The following CTNNA2 variants were observed in gnomAD, a reference collection of about 807,000 sequenced individuals.
The protein encoded by CTNNA2 is catenin alpha-2.
Under a neutral mutation model 101.0 loss-of-function variants are expected in CTNNA2, and 42 were observed. The observed-to-expected ratio is 0.42, with a 90% CI of 0.32 to 0.54. CTNNA2 has a LOEUF of 0.54. Among genes scored for constraint, CTNNA2 ranks in the 20% least tolerant of loss-of-function variants. CTNNA2 has a pLI of 0.14. For synonymous variants in CTNNA2, 450 were observed against 456.4 expected (o/e 0.99, Z 0.18); for missense variants, 871 against 1,223.1 (o/e 0.71, Z 4.29).
intron 13 of CTNNA2, among the ~76,000 whole-genome samples, chr2:80,580,734 G>T (rs1025954697): frequency 1.6e-4 from 24 of 152,100 alleles, no homozygotes; most frequent in African/African-American, 5.8e-4. Flanking sequence ...ATAATGATGG[G>T]CCAGGCACAG....
intron 6 of CTNNA2, among the ~76,000 whole-genome samples, chr2:79,909,349 A>C (rs1685634434): frequency 6.6e-6 from 1 of 152,264 alleles, no homozygotes; most frequent in African/African-American, 2.4e-5. Context: ...TCTTCCGTTG[A>C]GATAGCCTTT....
chr2:80,072,056 T>C (rs1404918918), intron 7 of CTNNA2, among the ~76,000 whole-genome samples: 1 of 152,172 alleles, frequency 6.6e-6, no homozygotes, highest in African/African-American at 2.4e-5. Flanking sequence ...CTTCTTAAGC[T>C]GGAGTCTATA....
At chr2:79,614,752 A>C (rs1203808693) in intron 1 of CTNNA2, among the ~76,000 whole-genome samples, 1 of 152,192 alleles carries the variant, frequency 6.6e-6, no homozygotes, top group Non-Finnish European at 1.5e-5. Flanking sequence ...TGTAGAAAAA[A>C]TAGAATGACA....
At chr2:80,278,784 T>C (rs1573580671) in intron 7 of CTNNA2, among the ~76,000 whole-genome samples, 2 of 151,974 alleles carry the variant, frequency 1.3e-5, no homozygotes, top group African/African-American at 2.4e-5. Context: ...CTGAGTAGTA[T>C]AGTGAGACCC....
intron 7 of CTNNA2, among the ~76,000 whole-genome samples, chr2:79,979,907 G>A (rs1691135446): frequency 6.6e-6 from 1 of 152,100 alleles, no homozygotes; most frequent in South Asian, 2.1e-4. Context: ...GAACTTAATT[G>A]TTCATGGTAC....
chr2:79,715,347 T>C (rs1212119619), intron 2 of CTNNA2, among the ~76,000 whole-genome samples: 1 of 152,142 alleles, frequency 6.6e-6, no homozygotes, highest in Non-Finnish European at 1.5e-5. Flanking sequence ...ACTGTAGAAT[T>C]GTTCTGCCTT....
intron 9 of CTNNA2, among the ~76,000 whole-genome samples, chr2:80,451,880 A>T (rs578240762): frequency 2.0e-4 from 31 of 152,288 alleles, no homozygotes; most frequent in African/African-American, 7.2e-4. Flanking sequence ...CGGAAAAAAA[A>T]GATTTTTACA....
intron 3 of CTNNA2, among the ~76,000 whole-genome samples, chr2:79,329,316 C>G (rs1472080119): frequency 6.6e-6 from 1 of 152,124 alleles, no homozygotes; most frequent in Non-Finnish European, 1.5e-5. Context: ...CTATCTCAAC[C>G]CCGGGAACAA....
intron 2 of CTNNA2, among the ~76,000 whole-genome samples, chr2:79,198,317 T>C (rs964084864): frequency 1.3e-5 from 2 of 152,164 alleles, no homozygotes; most frequent in Non-Finnish European, 2.9e-5. Flanking sequence ...TAATATTTGG[T>C]GAAAATAAGC....
intron 6 of CTNNA2, among the ~76,000 whole-genome samples, chr2:79,881,272 A>C (rs929446869): frequency 5.9e-5 from 9 of 152,252 alleles, no homozygotes; most frequent in Non-Finnish European, 1.0e-4. Context: ...GGCACTGAGA[A>C]GAATGTATAT....
rs536272301 is a variant in CTNNA2, at chr2:80,121,798, T to A, written c.1056+212001T>A. Among the ~76,000 whole-genome samples, 5 of 152,280 alleles carry A rather than the reference T, an allele frequency of 3.3e-5. No individual in the cohort carries two copies. In the South Asian group the frequency reaches 1.0e-3, roughly 32 times the overall value. On this transcript the variant is annotated intron_variant, in intron 7 of 18. Transcript: ENST00000402739. ...ATGAATCAACCCCATAGAAGATTAC[T>A]GAATATCCATTATATGGTAAACCTG...
At chr2:80,195,523 T>G (rs1303878484) in intron 7 of CTNNA2, among the ~76,000 whole-genome samples, 2 of 151,984 alleles carry the variant, frequency 1.3e-5, no homozygotes, top group Non-Finnish European at 2.9e-5. Flanking sequence ...CCAATCTTAA[T>G]CCTTAGTCCT....
At chr2:80,556,705 T>C (rs951334487) in intron 12 of CTNNA2, among the ~76,000 whole-genome samples, 1 of 146,244 alleles carries the variant, frequency 6.8e-6, no homozygotes, top group African/African-American at 2.4e-5. Flanking sequence ...CAGGCCTTGA[T>C]TTATATATAT....
chr2:80,062,522 A>G (rs138229267), intron 7 of CTNNA2, among the ~76,000 whole-genome samples: 2 of 152,304 alleles, frequency 1.3e-5, no homozygotes, highest in African/African-American at 4.8e-5. Flanking sequence ...GCTCCTGGGT[A>G]ATACATTTAC....
intron 9 of CTNNA2, among the ~76,000 whole-genome samples, chr2:80,471,079 A>G (rs1685266359): frequency 6.6e-6 from 1 of 152,086 alleles, no homozygotes; most frequent in African/African-American, 2.4e-5. Context: ...AGCCCATGAT[A>G]GGGGGTTGGT....
intron 2 of CTNNA2, among the ~76,000 whole-genome samples, chr2:79,207,420 G>T (rs2104193096): frequency 6.6e-6 from 1 of 152,260 alleles, no homozygotes; most frequent in Admixed American, 6.5e-5. Context: ...CTACCTTCAA[G>T]TAATGACAAG....
chr2:80,502,215 C>A (rs1248804858), intron 9 of CTNNA2, among the ~76,000 whole-genome samples: 1 of 152,190 alleles, frequency 6.6e-6, no homozygotes, highest in Non-Finnish European at 1.5e-5. Flanking sequence ...ACTTTTTCAC[C>A]ATAAGTCATT....
intron 7 of CTNNA2, among the ~76,000 whole-genome samples, chr2:80,067,195 T>C (rs1698043163): frequency 6.6e-6 from 1 of 152,056 alleles, no homozygotes; most frequent in African/African-American, 2.4e-5. Context: ...AATGTATTCT[T>C]GAAAATTGCT....
At chr2:79,289,805 G>T (rs1675745000) in intron 2 of CTNNA2, among the ~76,000 whole-genome samples, 1 of 152,168 alleles carries the variant, frequency 6.6e-6, no homozygotes, top group Admixed American at 6.5e-5. Context: ...ACTCCTTAAT[G>T]TTCCTGTTTA....
Sources: allele counts gnomAD v4.1 joint callset (sites outside exome capture counted in the v4.1 genomes callset), GRCh38; gene constraint gnomAD v4.1.1; transcripts MANE v1.5; gene names NCBI Gene and HGNC (gene_info 2026-07-23, HGNC 2026-07-21).